Variants in TRMT9B observed in about 807,000 individuals in gnomAD.
The protein encoded by TRMT9B is tRNA methyltransferase 9B (putative).
In TRMT9B, 16 loss-of-function variants were observed where a neutral mutation model predicts 11.5. The observed-to-expected ratio is 1.39, with a 90% confidence interval of 0.94 to 2.11. TRMT9B has a LOEUF of 2.11. TRMT9B is among the 30% of genes most tolerant of loss of function. The probability of loss-of-function intolerance (pLI) is 0.00; values close to 1 mark genes in which losing one functional copy is unlikely to be tolerated. For missense variants in TRMT9B, 941 were observed against 553.8 expected, an observed-to-expected ratio of 1.70 and a Z score of -7.02; for synonymous variants, 274 against 192.4, an observed-to-expected ratio of 1.42 and a Z score of -3.51.
chr8:12,966,152 C>T (rs1010602720), intron 1 of TRMT9B, among the ~76,000 whole-genome samples: 3 of 145,322 alleles, frequency 2.1e-5, no homozygotes, highest in Non-Finnish European at 3.1e-5. Context: ...ATAGTAAGAC[C>T]CCCCCCATCT....
chr8:12,950,865 A>G (rs879442126), intron 1 of TRMT9B, among the ~76,000 whole-genome samples: 16 of 152,194 alleles, frequency 1.1e-4, no homozygotes, highest in Non-Finnish European at 1.9e-4. Context: ...ACTGGAAACA[A>G]CAGCTCGACA....
intron 1 of TRMT9B, among the ~76,000 whole-genome samples, chr8:12,975,064 C>G (rs1258131666): frequency 6.7e-6 from 1 of 150,192 alleles, no homozygotes; most frequent in Non-Finnish European, 1.5e-5. Context: ...TATTTTTACA[C>G]TAATGGGGAA....
intron 1 of TRMT9B, among the ~76,000 whole-genome samples, chr8:12,984,950 AACAT>A (rs758760458): frequency 0.087 from 9,756 of 112,096 alleles, 370 homozygotes; most frequent in African/African-American, 0.14. Flanking sequence ...CACCTCCCTC[AACAT>A]ACACACACAC....
At position 13,021,405 on chromosome 8, in the gene TRMT9B, A is replaced by T. The variant is rs1020281982; in HGVS notation, c.726A>T (p.Thr242=). The T allele has an allele frequency of 2.5e-6, 4 of 1,614,044 alleles. No homozygotes were observed. Among genetic ancestry groups the T allele is most frequent in the Admixed American group, 1.7e-5 (1 of 60,032 alleles). Residue 242 remains threonine, a synonymous_variant, in exon 5 of 5, where the codon ACA becomes ACT. Transcript: ENST00000524591. ...AGGAAGAATATGGATTTTACAGCACATTAGGAAAATCGTTTCGTTCCTGGT... is the reference window on the plus strand; with the variant it reads ...AGGAAGAATATGGATTTTACAGCACTTTAGGAAAATCGTTTCGTTCCTGGT... ...EGEEEYGFYS[T]LGKSFRSWFF... is the part of the protein sequence containing the mutation.
chr8:12,974,821 G>A (rs564538313), intron 1 of TRMT9B, among the ~76,000 whole-genome samples: 2 of 152,296 alleles, frequency 1.3e-5, no homozygotes, highest in African/African-American at 4.8e-5. Flanking sequence ...TGGTTACACA[G>A]CTTGCTAGGT....
chr8:13,004,247 G>T (rs1809998615), intron 2 of TRMT9B, among the ~76,000 whole-genome samples: 1 of 151,940 alleles, frequency 6.6e-6, no homozygotes, highest in Admixed American at 6.6e-5. Context: ...AAGGACTGCA[G>T]CTCCTAGGTG....
intron 2 of TRMT9B, among the ~76,000 whole-genome samples, chr8:13,004,556 C>A (rs929667613): frequency 1.3e-5 from 2 of 152,068 alleles, no homozygotes; most frequent in African/African-American, 4.8e-5. Context: ...TTTCTAGACA[C>A]ACCCTGGGCC....
At chr8:12,948,383 C>A (rs182790178) in intron 1 of TRMT9B, among the ~76,000 whole-genome samples, 8 of 148,928 alleles carry the variant, frequency 5.4e-5, no homozygotes, top group African/African-American at 2.0e-4. Flanking sequence ...GTAAATGAAC[C>A]ATCGTAATTC....
At chr8:12,952,807 T>C (rs1346159100) in intron 1 of TRMT9B, 1 of 402,088 alleles carries the variant, frequency 2.5e-6, no homozygotes, top group Non-Finnish European at 3.4e-6. Flanking sequence ...TGGCACGATC[T>C]CGGCTCACTG....
At chr8:13,012,569 T>C in intron 3 of TRMT9B, 115 bp from the exon 4 acceptor site, 4 of 1,310,142 alleles carry the variant, frequency 3.1e-6, no homozygotes, top group Non-Finnish European at 4.1e-6. Flanking sequence ...AGGGAGACTC[T>C]GTCTCAAAAT....
At chr8:12,946,360 A>G (rs1267247268) in intron 1 of TRMT9B, among the ~76,000 whole-genome samples, 1 of 152,206 alleles carries the variant, frequency 6.6e-6, no homozygotes, top group African/African-American at 2.4e-5. Context: ...AACAATAAGA[A>G]GGGAGCAGAG....
At chr8:13,004,890 C>T (rs1411329213) in intron 2 of TRMT9B, among the ~76,000 whole-genome samples, 3 of 151,930 alleles carry the variant, frequency 2.0e-5, no homozygotes, top group Admixed American at 1.3e-4. Context: ...GGCTGCATCT[C>T]ATGGCTTGAG....
At chr8:12,950,632 A>C (rs932312933) in intron 1 of TRMT9B, among the ~76,000 whole-genome samples, 4 of 152,070 alleles carry the variant, frequency 2.6e-5, no homozygotes, top group Admixed American at 2.0e-4. Context: ...GGATAAAGAG[A>C]AGCCCAAACA....
intron 4 of TRMT9B, among the ~76,000 whole-genome samples, chr8:13,018,222 C>CA (rs1212745064): frequency 6.6e-6 from 1 of 150,620 alleles, no homozygotes; most frequent in East Asian, 2.0e-4. Context: ...GGCAACATGG[C>CA]AAAACTCCAT....
chr8:12,985,321 C>T (rs983707651), intron 1 of TRMT9B, among the ~76,000 whole-genome samples: 4 of 152,078 alleles, frequency 2.6e-5, no homozygotes, highest in African/African-American at 4.8e-5. Context: ...GGAGAGATGC[C>T]AGCTGTTCCT....
At chr8:12,981,038 T>C (rs575946599) in intron 1 of TRMT9B, among the ~76,000 whole-genome samples, 1 of 152,272 alleles carries the variant, frequency 6.6e-6, no homozygotes, top group Admixed American at 6.5e-5. Context: ...ATCCACGAAG[T>C]CACTATGCGG....
At position 13,006,072 on chromosome 8, in the gene TRMT9B, A is replaced by G. The variant is rs1585324657; in HGVS notation, c.-1-130A>G. ...GTGAAGGTATTGTTCTTTGCAGCTT[A>G]TAAGAAAGTGTGCAAACAGCATGAG... On this transcript the variant is annotated intron_variant, in intron 2 of 4. Transcript: ENST00000524591. 6.3e-6 allele frequency: 5 copies of G among 796,706 alleles called. No homozygotes were observed. The East Asian group carries it at 1.3e-4, about 21-fold the overall frequency. The allele number at this position is 796,706 out of a possible 1,614,324, so 49.4% of individuals were successfully genotyped here. A position where few individuals can be genotyped will look rare whatever the true frequency, so the allele number is the denominator to read the frequency against.
Position 13,028,193 on chromosome 8 carries a change from C to T in TRMT9B, c.*6149C>T, listed in dbSNP as rs1221559401. The stretch of plus-strand genomic sequence containing the variant: ...GTCCTCTTGTGGTGCGGGTCTTCCC[C>T]AGTTGATTATACACAGATAATCAAT... On this transcript the variant is annotated 3_prime_UTR_variant, in exon 5 of 5. Coordinates refer to ENST00000524591, the MANE Select transcript of TRMT9B (RefSeq NM_020844.3). 3.0e-5 allele frequency: 5 copies of T among 167,044 alleles called. No homozygotes were observed. The highest frequency in any genetic ancestry group is 1.2e-4 in the African/African-American group (5 of 41,442). The allele number at this position is 167,044 out of a possible 1,614,324, so 10.3% of individuals were successfully genotyped here. A position where few individuals can be genotyped will look rare whatever the true frequency, so the allele number is the denominator to read the frequency against.
At chr8:12,983,452 C>T (rs1563357860) in intron 1 of TRMT9B, among the ~76,000 whole-genome samples, 1 of 152,102 alleles carries the variant, frequency 6.6e-6, no homozygotes, top group African/African-American at 2.4e-5. Context: ...GGCAGATTAC[C>T]TGAGGTCAGG....
Sources: gnomAD v4.1 joint callset for allele counts (sites outside exome capture counted in the v4.1 genomes callset) on GRCh38, gnomAD v4.1.1 for gene constraint, MANE v1.5 for transcripts, NCBI Gene and HGNC (gene_info 2026-07-23, HGNC 2026-07-21) for gene names.